KHDRBS2: variants seen among roughly 807,000 people sequenced by gnomAD.
KHDRBS2 encodes the protein KH domain-containing, RNA-binding, signal transduction-associated protein 2.
KHDRBS2 carries 26 observed loss-of-function variants against 44.3 expected under a neutral mutation model. That is an observed-to-expected ratio of 0.59 (90% CI 0.43 to 0.81). The LOEUF is 0.81. KHDRBS2 is among the 40% of genes least tolerant of loss of function. The probability of loss-of-function intolerance (pLI) is 0.00; values close to 1 mark genes in which losing one functional copy is unlikely to be tolerated. For missense variants in KHDRBS2, 476 were observed against 433.1 expected, an observed-to-expected ratio of 1.10 and a Z score of -0.88; for synonymous variants, 194 against 151.1, an observed-to-expected ratio of 1.28 and a Z score of -2.08.
At chr6:61,616,821 A>G in the KHDRBS2 span, among the ~76,000 whole-genome samples, 1 of 152,164 alleles carries the variant, frequency 6.6e-6, no homozygotes, top group Non-Finnish European at 1.5e-5. Flanking sequence ...TCTCCAGTTC[A>G]GCATTCCTCC....
intron 1 of KHDRBS2, among the ~76,000 whole-genome samples, chr6:62,263,542 A>G (rs1838710544): frequency 6.6e-6 from 1 of 151,712 alleles, no homozygotes; most frequent in African/African-American, 2.4e-5. Flanking sequence ...AGAATAATTC[A>G]TATCAATTGT....
At chr6:61,885,251 A>T (rs938896297) in intron 6 of KHDRBS2, among the ~76,000 whole-genome samples, 2 of 152,136 alleles carry the variant, frequency 1.3e-5, no homozygotes, top group Non-Finnish European at 2.9e-5. Flanking sequence ...TAGAAAAAAA[A>T]AAGAGTTGTT....
chr6:62,106,313 A>G (rs1803283622), intron 2 of KHDRBS2, among the ~76,000 whole-genome samples: 1 of 152,152 alleles, frequency 6.6e-6, no homozygotes, highest in Admixed American at 6.5e-5. Context: ...TGCAGAGCTG[A>G]GTTCAATTCC....
At chr6:61,954,876 G>GTGTGTACA (rs376049213) in intron 4 of KHDRBS2, among the ~76,000 whole-genome samples, 9 of 28,204 alleles carry the variant, frequency 3.2e-4, no homozygotes, top group Non-Finnish European at 5.5e-4. Flanking sequence ...ATACATATGT[G>GTGTGTACA]TATATATGTA....
At chr6:62,031,670 G>A (rs1275469389) in intron 3 of KHDRBS2, among the ~76,000 whole-genome samples, 1 of 152,072 alleles carries the variant, frequency 6.6e-6, no homozygotes, top group African/African-American at 2.4e-5. Flanking sequence ...GGAAAGTAGG[G>A]AGAAGAAATG....
intron 6 of KHDRBS2, among the ~76,000 whole-genome samples, chr6:61,823,999 AC>A (rs1219916458): frequency 6.6e-6 from 1 of 152,098 alleles, no homozygotes; most frequent in Admixed American, 6.6e-5. Context: ...GAAAATATTT[AC>A]TTTTATCTTC....
At chr6:61,733,745 G>A (rs1391683563) in intron 6 of KHDRBS2, among the ~76,000 whole-genome samples, 1 of 152,076 alleles carries the variant, frequency 6.6e-6, no homozygotes, top group East Asian at 1.9e-4. Context: ...GTTCAAACAA[G>A]CTAGTAATTA....
intron 1 of KHDRBS2, among the ~76,000 whole-genome samples, chr6:62,199,657 G>C (rs1277149693): frequency 6.6e-6 from 1 of 152,146 alleles, no homozygotes; most frequent in African/African-American, 2.4e-5. Flanking sequence ...CGGCCATACT[G>C]CCCAAGGTAA....
intron 3 of KHDRBS2, among the ~76,000 whole-genome samples, chr6:62,033,480 T>A (rs917018946): frequency 6.6e-6 from 1 of 151,548 alleles, no homozygotes; most frequent in Non-Finnish European, 1.5e-5. Flanking sequence ...AAGAAACAAA[T>A]AACATACAAT....
At chr6:62,156,680 C>T (rs958759061) in intron 2 of KHDRBS2, among the ~76,000 whole-genome samples, 29 of 152,072 alleles carry the variant, frequency 1.9e-4, no homozygotes, top group African/African-American at 5.5e-4. Context: ...GACGGAGTCT[C>T]GCTCTGTCTC....
intron 2 of KHDRBS2, among the ~76,000 whole-genome samples, chr6:62,073,530 C>CTTTTTTTTTTTT (rs60124030): frequency 2.7e-3 from 330 of 124,172 alleles, no homozygotes; most frequent in Middle Eastern, 9.7e-3. Context: ...TTTCTTTTTT[C>CTTTTTTTTTTTT]TTTTTTTTTT....
At chr6:61,776,237 A>G (rs1781973454) in intron 6 of KHDRBS2, among the ~76,000 whole-genome samples, 2 of 152,292 alleles carry the variant, frequency 1.3e-5, no homozygotes, top group South Asian at 4.1e-4. Context: ...ATGGGCAAGG[A>G]CTTCATGTCT....
chr6:62,213,143 G>A (rs899773814), intron 1 of KHDRBS2, among the ~76,000 whole-genome samples: 11 of 152,098 alleles, frequency 7.2e-5, no homozygotes, highest in East Asian at 1.9e-4. Context: ...ATTTTAATCC[G>A]TTCATAATAG....
At chr6:61,836,981 G>T (rs1307567063) in intron 6 of KHDRBS2, among the ~76,000 whole-genome samples, 1 of 151,900 alleles carries the variant, frequency 6.6e-6, no homozygotes, top group Non-Finnish European at 1.5e-5. Flanking sequence ...CTATTGTGCA[G>T]TACTGGCAGA....
At chr6:62,108,419 A>G (rs1804068992) in intron 2 of KHDRBS2, among the ~76,000 whole-genome samples, 1 of 152,206 alleles carries the variant, frequency 6.6e-6, no homozygotes, top group South Asian at 2.1e-4. Context: ...ACCAGTTAGA[A>G]TGGCGATCAT....
chr6:62,108,912 C>A (rs528457984), intron 2 of KHDRBS2, among the ~76,000 whole-genome samples: 2 of 152,122 alleles, frequency 1.3e-5, no homozygotes, highest in Admixed American at 6.5e-5. Flanking sequence ...CACATGGACA[C>A]AGGAAGGGGT....
chr6:62,108,300 T>C lies in KHDRBS2; in HGVS notation c.220-60306A>G, dbSNP rs537042700. ...GTGGGCGAAGGACATGAACAGACACTTCTCAAAAGAAGACATTTATGCAGC... is the reference window on the plus strand; with the variant it reads ...GTGGGCGAAGGACATGAACAGACACCTCTCAAAAGAAGACATTTATGCAGC... On this transcript the variant is annotated intron_variant, in intron 2 of 8. Coordinates refer to ENST00000281156, the MANE Select transcript of KHDRBS2 (RefSeq NM_152688.4). Among the ~76,000 whole-genome samples the C allele has an allele frequency of 2.0e-5, 3 of 152,234 alleles. No individual in the cohort carries two copies. In the East Asian group the frequency reaches 5.8e-4, roughly 29 times the overall value.
At chr6:61,715,480 A>G (rs970445705) in intron 7 of KHDRBS2, among the ~76,000 whole-genome samples, 2 of 151,936 alleles carry the variant, frequency 1.3e-5, no homozygotes, top group Non-Finnish European at 2.9e-5. Context: ...ATGTAATTCT[A>G]TAGTAATGAA....
intron 7 of KHDRBS2, among the ~76,000 whole-genome samples, chr6:61,710,702 C>A (rs1770356285): frequency 6.6e-6 from 1 of 150,710 alleles, no homozygotes; most frequent in Non-Finnish European, 1.5e-5. Flanking sequence ...ATGTATTTAC[C>A]CACCCTCCTA....
Sources: gnomAD v4.1 joint callset for allele counts (sites outside exome capture counted in the v4.1 genomes callset) on GRCh38, gnomAD v4.1.1 for gene constraint, MANE v1.5 for transcripts, NCBI Gene and HGNC (gene_info 2026-07-23, HGNC 2026-07-21) for gene names.